The following SPG21 variants were observed in gnomAD, a reference collection of about 807,000 sequenced individuals.
SPG21 encodes SPG21 abhydrolase domain containing, maspardin.
A neutral mutation model predicts 38.9 loss-of-function variants in SPG21; 26 were observed. The observed-to-expected ratio is 0.67, with a 90% CI of 0.49 to 0.93. SPG21 has a LOEUF of 0.93. SPG21 is among the 40% of genes least tolerant of loss of function. SPG21 has a pLI of 0.00. For missense variants in SPG21, 333 were observed against 376.5 expected, an observed-to-expected ratio of 0.88 and a Z score of 0.96; for synonymous variants, 136 against 128.9, an observed-to-expected ratio of 1.05 and a Z score of -0.37.
At chr15:64,979,281 C>T (rs552698662) in intron 3 of SPG21, among the ~76,000 whole-genome samples, 81 of 152,110 alleles carry the variant, frequency 5.3e-4, no homozygotes, top group Non-Finnish European at 1.0e-3. Context: ...CCGAGTGGGA[C>T]GGGCGCCTAT....
chr15:64,963,879 C>T (rs2085496009), intron 8 of SPG21, 143 bp from the exon 9 acceptor site: 2 of 679,494 alleles, frequency 2.9e-6, no homozygotes, highest in Admixed American at 2.1e-5. Flanking sequence ...GCCTCAGCCT[C>T]CCGAGTAGCT....
At chr15:64,974,808 T>A (rs1163311525) in intron 4 of SPG21, 61 bp from the exon 5 acceptor site, 73 of 1,603,070 alleles carry the variant, frequency 4.6e-5, no homozygotes, top group Non-Finnish European at 6.1e-5. Flanking sequence ...ACCTGAGTAT[T>A]AAAAAGTTGC....
Position 64,970,137 on chromosome 15 carries a change from C to T in SPG21, c.538G>A (p.Ala180Thr), listed in dbSNP as rs149251662. 2,362 of 1,614,058 alleles carry T rather than the reference C, an allele frequency of 1.5e-3. 4 individuals carry two copies. Among genetic ancestry groups the T allele is most frequent in the Non-Finnish European group, 1.8e-3 (2,102 of 1,179,946 alleles). Residue 180 changes from alanine (A) to threonine (T), a missense_variant, in exon 6 of 9, where the codon GCC (alanine) becomes ACC (threonine). By Grantham distance (58) the Ala-to-Thr change is moderately conservative. Transcript: ENST00000204566. Reference protein sequence around the residue: ...SGPVDPMMADAIDFMVDRLES... With the variant: ...SGPVDPMMADTIDFMVDRLES... ...ACCCTGTCTACCATGAAATCAATGG[C>T]ATCAGCCATCATAGGGTCCACCGGG...
At chr15:64,968,287 C>A (rs570243508) in intron 7 of SPG21, among the ~76,000 whole-genome samples, 6 of 140,846 alleles carry the variant, frequency 4.3e-5, no homozygotes, top group African/African-American at 1.6e-4. Context: ...TTGCAGTGAG[C>A]TGAGATTGCA....
intron 3 of SPG21, among the ~76,000 whole-genome samples, chr15:64,980,098 C>T (rs1264581697): frequency 6.6e-6 from 1 of 152,052 alleles, no homozygotes; most frequent in Non-Finnish European, 1.5e-5. Context: ...TTAGCAAATC[C>T]CTTTGTTGTC....
intron 3 of SPG21, among the ~76,000 whole-genome samples, chr15:64,980,375 T>G (rs2140439570): frequency 6.6e-6 from 1 of 152,170 alleles, no homozygotes; most frequent in East Asian, 1.9e-4. Flanking sequence ...GACCGTGGAC[T>G]CACACCAGCC....
At position 64,980,942 on chromosome 15, in the gene SPG21, C is replaced by T. The variant is rs1262770487; in HGVS notation, c.147G>A (p.Leu49=). ...CATCTGCAGTTCCACTGACAGGGGGCAGGAATATGAGAGGACACCTGATAC... is the reference window on the plus strand; with the variant it reads ...CATCTGCAGTTCCACTGACAGGGGGTAGGAATATGAGAGGACACCTGATAC... ...PRSIRCPLIF[L]PPVSGTADVF... is the part of the protein sequence containing the mutation. Residue 49 remains leucine (L), a synonymous_variant, in exon 3 of 9, where the codon CTG becomes CTA. Transcript: ENST00000204566. The T allele has an allele frequency of 6.2e-7, 1 of 1,613,926 alleles. No homozygotes were observed. The highest frequency in any genetic ancestry group is 1.1e-5 in the South Asian group (1 of 91,082).
In SPG21 at chr15:64,980,896, C is replaced by T. The variant is rs755420818; in HGVS notation, c.193G>A (p.Ala65Thr). The T allele has an allele frequency of 1.9e-6, 3 of 1,613,742 alleles. No homozygotes were observed. The highest frequency in any genetic ancestry group is 2.5e-6 in the Non-Finnish European group (3 of 1,179,988). The change falls in exon 3 of 9, where the codon GCT becomes ACT. Residue 65 changes from alanine to threonine, a missense_variant. Ala to Thr is a moderately conservative substitution (Grantham distance 58). Transcript: ENST00000204566. Reference protein sequence around the residue: ...TADVFFRQILALTGWGYRVIA... With the variant: ...TADVFFRQILTLTGWGYRVIA... Reference sequence around the variant, plus strand: ...ACCCGGTAACCCCATCCAGTCAGAGCCAAAATCTGCCGGAAAAAGACATCT... The same window carrying T: ...ACCCGGTAACCCCATCCAGTCAGAGTCAAAATCTGCCGGAAAAAGACATCT...
chr15:64,983,416 C>T, intron 2 of SPG21, 91 bp downstream of exon 2: 1 of 924,040 alleles, frequency 1.1e-6, no homozygotes, highest in Non-Finnish European at 1.7e-6. Context: ...GTAACCTTTA[C>T]TCTCAAACAC....
chr15:64,988,838 C>G (rs2086054574), intron 1 of SPG21: 1 of 152,116 alleles, frequency 6.6e-6, no homozygotes, highest in South Asian at 2.1e-4. Flanking sequence ...AAAAATTAGC[C>G]GGGCGTGGTG....
chr15:64,986,099 G>A (rs1392217251), intron 1 of SPG21, among the ~76,000 whole-genome samples: 1 of 152,232 alleles, frequency 6.6e-6, no homozygotes, highest in Admixed American at 6.5e-5. Context: ...CAGGCACAGT[G>A]GCTCACGCCT....
chr15:64,986,690 CAAAACAAAACAA>C (rs1278914328), intron 1 of SPG21, among the ~76,000 whole-genome samples: 4 of 142,276 alleles, frequency 2.8e-5, no homozygotes, highest in Non-Finnish European at 6.2e-5. Flanking sequence ...AAAAACAAAA[CAAAACAAAACAA>C]AACAAAACAA....
intron 2 of SPG21, among the ~76,000 whole-genome samples, chr15:64,982,015 C>G (rs1385437260): frequency 6.6e-6 from 1 of 152,108 alleles, no homozygotes; most frequent in Non-Finnish European, 1.5e-5. Context: ...ATAAATGGAG[C>G]AAGGCAAAGT....
At chr15:64,979,063 C>T (rs1302894805) in intron 3 of SPG21, among the ~76,000 whole-genome samples, 2 of 152,190 alleles carry the variant, frequency 1.3e-5, no homozygotes, top group African/African-American at 4.8e-5. Flanking sequence ...AGTTCCAAAA[C>T]CTCATGGAGC....
chr15:64,982,057 C>T (rs952686884), intron 2 of SPG21, among the ~76,000 whole-genome samples: 3 of 152,038 alleles, frequency 2.0e-5, no homozygotes, highest in African/African-American at 7.2e-5. Flanking sequence ...CTTTGGACTT[C>T]CACAGGTCAC....
chr15:64,978,196 C>T (rs1438161203), intron 3 of SPG21, among the ~76,000 whole-genome samples: 2 of 151,530 alleles, frequency 1.3e-5, no homozygotes, highest in Admixed American at 1.3e-4. Flanking sequence ...GCTTGCAATC[C>T]CAGCGCTTTG....
intron 1 of SPG21, chr15:64,988,740 T>C (rs1299240514): frequency 1.3e-5 from 2 of 152,446 alleles, no homozygotes; most frequent in Non-Finnish European, 2.9e-5. Flanking sequence ...CTCAGCCCTT[T>C]GGGAGGCCGA....
rs11633597 is a variant in SPG21 at position 64,989,286 on chromosome 15, A to G, written c.-25+379T>C. The G allele has an allele frequency of 0.35, 52,869 of 150,830 alleles. 10,370 individuals are homozygous for G. The highest frequency in any genetic ancestry group is 0.61 in the South Asian group (2,910 of 4,746). The allele number at this position is 150,830 out of a possible 1,614,324, so 9.3% of individuals were successfully genotyped here. ...TCTTAAAAGTTTGCTGAGAAAAAAA[A>G]AAAGAAAGAAAGAAAGAAAGAAATG... On this transcript the variant is annotated intron_variant, in intron 1 of 8. Transcript: ENST00000204566.
intron 7 of SPG21, among the ~76,000 whole-genome samples, chr15:64,965,674 A>G (rs1458898888): frequency 2.6e-5 from 4 of 151,972 alleles, no homozygotes; most frequent in African/African-American, 9.7e-5. Flanking sequence ...AACCGAAGAC[A>G]TTAGCTACAG....
Sources: gnomAD v4.1 joint callset for allele counts (sites outside exome capture counted in the v4.1 genomes callset) on GRCh38, gnomAD v4.1.1 for gene constraint, MANE v1.5 for transcripts, NCBI Gene and HGNC (gene_info 2026-07-23, HGNC 2026-07-21) for gene names.